SUFU: variants seen among roughly 807,000 people sequenced by gnomAD.
SUFU encodes suppressor of fused homolog.
A neutral mutation model predicts 58.9 loss-of-function variants in SUFU; 7 were observed. The observed-to-expected ratio is 0.12, with a 90% CI of 0.07 to 0.22. The LOEUF is 0.22. SUFU is among the 10% of genes least tolerant of loss of function. The pLI, the probability that SUFU is intolerant of heterozygous loss-of-function variation, is 1.00. For synonymous variants in SUFU, 232 were observed against 254.8 expected (o/e 0.91, Z 0.85); for missense variants, 451 against 641.3 (o/e 0.70, Z 3.20).
chr10:102,550,964 G>A (rs2062908208), intron 3 of SUFU, among the ~76,000 whole-genome samples: 1 of 151,950 alleles, frequency 6.6e-6, no homozygotes, highest in African/African-American at 2.4e-5. Flanking sequence ...GGCTGCTATC[G>A]AACTCCTGAC....
At chr10:102,582,566 C>T (rs927234928) in intron 3 of SUFU, among the ~76,000 whole-genome samples, 2 of 152,136 alleles carry the variant, frequency 1.3e-5, no homozygotes, top group Non-Finnish European at 2.9e-5. Context: ...GCACCCCCCA[C>T]GTTTTCAGAG....
In SUFU at chr10:102,627,200, A is replaced by G; in HGVS notation, c.1322A>G (p.Glu441Gly). The change falls in exon 11 of 12, where the codon GAG (glutamate) becomes GGG (glycine). Residue 441 changes from glutamate (E) to glycine (G), a missense_variant. Coordinates refer to ENST00000369902, the MANE Select transcript of SUFU (RefSeq NM_016169.4). ...LQILLTEEFV[E>G]KMLEDLEDLT... ...ATTCTGTTGACCGAAGAGTTTGTAGAGAAAATGTTGGAGGATTTAGAAGAT... is the reference window on the plus strand; with the variant it reads ...ATTCTGTTGACCGAAGAGTTTGTAGGGAAAATGTTGGAGGATTTAGAAGAT... 3 of 1,614,268 alleles carry G rather than the reference A, an allele frequency of 1.9e-6. No individual in the cohort carries two copies. The South Asian group carries it at 3.3e-5, about 18-fold the overall frequency.
chr10:102,603,063 T>C (rs1482125924), intron 8 of SUFU, among the ~76,000 whole-genome samples: 3 of 152,208 alleles, frequency 2.0e-5, no homozygotes, highest in Non-Finnish European at 4.4e-5. Context: ...CCTCTCTGTC[T>C]GAGGTCACCT....
At position 102,504,124 on chromosome 10, in the gene SUFU, T is replaced by A. The variant is rs1267745109; in HGVS notation, c.-29T>A. ...TCTCCCCGTCGTTTGCCCTCTCCAG[T>A]TCCCCCAGTGCCTGCCCTACGCACC... On this transcript the variant is annotated 5_prime_UTR_variant, in exon 1 of 12. Coordinates refer to ENST00000369902, the MANE Select transcript of SUFU (RefSeq NM_016169.4). 6 of 1,530,706 alleles carry A rather than the reference T, an allele frequency of 3.9e-6. No individual in the cohort carries two copies. The highest frequency in any genetic ancestry group is 4.4e-6 in the Non-Finnish European group (5 of 1,142,532). The allele number at this position is 1,530,706 out of a possible 1,614,324, so 94.8% of individuals were successfully genotyped here. A position where few individuals can be genotyped will look rare whatever the true frequency, so the allele number is the denominator to read the frequency against.
chr10:102,582,709 G>C (rs2063294950), intron 3 of SUFU, among the ~76,000 whole-genome samples: 1 of 152,206 alleles, frequency 6.6e-6, no homozygotes, highest in African/African-American at 2.4e-5. Context: ...TGCTATCCTG[G>C]AGTGGTATTT....
Position 102,504,010 on chromosome 10 carries a change from C to A in SUFU, c.-143C>A. The A allele has an allele frequency of 1.7e-6, 2 of 1,178,958 alleles. No individual in the cohort carries two copies. The highest frequency in any genetic ancestry group is 2.2e-6 in the Non-Finnish European group (2 of 892,012). The allele number at this position is 1,178,958 out of a possible 1,614,324, so 73.0% of individuals were successfully genotyped here. A position where few individuals can be genotyped will look rare whatever the true frequency, so the allele number is the denominator to read the frequency against. ...GCGACAGCCTGGGCGGACAGTGCGC[C>A]GTGCGCAGGCGCGGAGCTAGACCTC... On this transcript the variant is annotated 5_prime_UTR_variant, in exon 1 of 12. Coordinates refer to ENST00000369902, the MANE Select transcript of SUFU (RefSeq NM_016169.4).
intron 2 of SUFU, among the ~76,000 whole-genome samples, chr10:102,523,896 T>G (rs2062578414): frequency 6.6e-6 from 1 of 152,238 alleles, no homozygotes; most frequent in Admixed American, 6.5e-5. Context: ...TCAATCGGCC[T>G]TCTCTCTGAC....
intron 3 of SUFU, among the ~76,000 whole-genome samples, chr10:102,552,636 G>GTAC (rs1254226957): frequency 2.0e-5 from 3 of 152,304 alleles, no homozygotes; most frequent in Middle Eastern, 3.4e-3. Flanking sequence ...TTAGTTAATA[G>GTAC]TACTGTATGT....
At chr10:102,527,818 T>A (rs1414617180) in intron 2 of SUFU, among the ~76,000 whole-genome samples, 1 of 152,206 alleles carries the variant, frequency 6.6e-6, no homozygotes, top group African/African-American at 2.4e-5. Flanking sequence ...CTGGGATGGC[T>A]GGCTTCCCAG....
intron 3 of SUFU, among the ~76,000 whole-genome samples, chr10:102,580,227 A>T (rs1207223383): frequency 6.6e-6 from 1 of 152,040 alleles, no homozygotes; most frequent in Non-Finnish European, 1.5e-5. Flanking sequence ...GGGGTGCGAA[A>T]TTCTGTTGGT....
chr10:102,597,727 C>G (rs1300720673), intron 7 of SUFU, among the ~76,000 whole-genome samples: 2 of 152,252 alleles, frequency 1.3e-5, no homozygotes, highest in African/African-American at 4.8e-5. Context: ...CCCTCCCAGG[C>G]CTTCAACAAA....
chr10:102,603,103 C>G (rs186971107), intron 8 of SUFU, among the ~76,000 whole-genome samples: 1 of 152,282 alleles, frequency 6.6e-6, no homozygotes, highest in East Asian at 1.9e-4. Flanking sequence ...AGTCTGGTCT[C>G]TCTACAGTGC....
chr10:102,527,048 G>A (rs543753812), intron 2 of SUFU, among the ~76,000 whole-genome samples: 1 of 140,296 alleles, frequency 7.1e-6, no homozygotes, highest in Admixed American at 7.6e-5. Context: ...CCAGGCTGGA[G>A]TGCAGTGGCA....
intron 2 of SUFU, among the ~76,000 whole-genome samples, chr10:102,543,946 G>T (rs2062828357): frequency 6.6e-6 from 1 of 152,104 alleles, no homozygotes. Context: ...GACTTAATTA[G>T]GCAAAAATAG....
At chr10:102,621,447 C>T (rs1021889442) in intron 10 of SUFU, among the ~76,000 whole-genome samples, 4 of 152,182 alleles carry the variant, frequency 2.6e-5, no homozygotes, top group African/African-American at 9.7e-5. Flanking sequence ...AACTTTTCAC[C>T]GCCCACTAAG....
At chr10:102,595,268 T>C (rs143986695) in intron 6 of SUFU, among the ~76,000 whole-genome samples, 1 of 152,344 alleles carries the variant, frequency 6.6e-6, no homozygotes, top group Non-Finnish European at 1.5e-5. Flanking sequence ...CACTGTAGAC[T>C]TGTGAGTTCT....
chr10:102,565,312 A>G (rs974138974), intron 3 of SUFU, among the ~76,000 whole-genome samples: 2 of 152,218 alleles, frequency 1.3e-5, no homozygotes, highest in African/African-American at 4.8e-5. Context: ...AGAGGTAGCC[A>G]TCTCTGTGAG....
At chr10:102,597,590 C>G (rs905924675) in intron 7 of SUFU, among the ~76,000 whole-genome samples, 1 of 152,228 alleles carries the variant, frequency 6.6e-6, no homozygotes, top group Non-Finnish European at 1.5e-5. Context: ...AGCCTCAGAA[C>G]AGTTACAGGA....
At chr10:102,538,960 G>T (rs952390102) in intron 2 of SUFU, among the ~76,000 whole-genome samples, 36 of 152,292 alleles carry the variant, frequency 2.4e-4, no homozygotes, top group African/African-American at 8.2e-4. Context: ...CATTTTGGTG[G>T]CTCTTGATGC....
Sources: gnomAD v4.1 joint callset for allele counts (sites outside exome capture counted in the v4.1 genomes callset) on GRCh38, gnomAD v4.1.1 for gene constraint, MANE v1.5 for transcripts, NCBI Gene and HGNC (gene_info 2026-07-23, HGNC 2026-07-21) for gene names.